The following PECR variants were observed in gnomAD, a reference collection of about 807,000 sequenced individuals.
The protein encoded by PECR is 2,4-dienoyl-CoA reductase-related protein.
In PECR, 30 loss-of-function variants were observed where a neutral mutation model predicts 35.3. The observed-to-expected ratio is 0.85, with a 90% CI of 0.64 to 1.15. The LOEUF is 1.15. Among genes scored for constraint, PECR ranks in the 50% most tolerant of loss-of-function variants. PECR has a pLI of 0.00. For missense variants in PECR, 392 were observed against 370.8 expected (o/e 1.06, Z -0.47); for synonymous variants, 148 against 138.9 (o/e 1.07, Z -0.46).
At position 216,074,541 on chromosome 2, in the gene PECR, A is replaced by AAGAAAGG. The variant is rs1559219583; in HGVS notation, c.124+7076_124+7077insCCTTTCT. On this transcript the variant is annotated intron_variant, in intron 1 of 7. Coordinates refer to ENST00000265322, the MANE Select transcript of PECR (RefSeq NM_018441.6). Reference sequence around the variant, plus strand: ...GGAAGGAAGGAAGGAAGGAAGGAAGAAAGGAAGGAAGGAAGGAAGAGAGAG... The same window carrying AAGAAAGG: ...GGAAGGAAGGAAGGAAGGAAGGAAGAAGAAAGGAAGGAAGGAAGGAAGGAAGAGAGAG... Among the ~76,000 whole-genome samples, 228 of 81,850 alleles carry AAGAAAGG rather than the reference A, an allele frequency of 2.8e-3. 1 individual carries two copies. Among genetic ancestry groups the AAGAAAGG allele is most frequent in the Middle Eastern group, 0.022 (3 of 136 alleles). The allele number at this position is 81,850 out of a possible 152,430, so 53.7% of individuals were successfully genotyped here.
intron 7 of PECR, among the ~76,000 whole-genome samples, chr2:216,043,506 G>A (rs564876763): frequency 5.9e-5 from 9 of 152,036 alleles, no homozygotes; most frequent in Non-Finnish European, 2.9e-5. Flanking sequence ...TAGCACCATA[G>A]CACCCCACCC....
At chr2:216,065,544 T>C (rs1191185710) in intron 2 of PECR, 67 bp from the exon 3 acceptor site, 5 of 929,014 alleles carry the variant, frequency 5.4e-6, no homozygotes, top group Admixed American at 3.5e-5. Flanking sequence ...CCTCGCCTGA[T>C]TGATTGCTCT....
chr2:216,045,773 C>CA (rs1337733748), intron 6 of PECR, among the ~76,000 whole-genome samples: 2 of 152,200 alleles, frequency 1.3e-5, no homozygotes, highest in African/African-American at 4.8e-5. Context: ...GTCAGCGCAT[C>CA]AAAAAGAGAC....
At chr2:216,030,956 T>TCACACACA (rs1219074422) in intron 7 of PECR, among the ~76,000 whole-genome samples, 10 of 113,398 alleles carry the variant, frequency 8.8e-5, no homozygotes, top group South Asian at 5.7e-4. Context: ...TCTCTCTCTC[T>TCACACACA]CACACACACA....
chr2:216,056,342 C>T (rs77748092), intron 4 of PECR, among the ~76,000 whole-genome samples: 4,182 of 152,208 alleles, frequency 0.027, 92 homozygotes, highest in Middle Eastern at 0.092. Flanking sequence ...TAAATTACAA[C>T]ACAATGCTAA....
intron 6 of PECR, 48 bp downstream of exon 6, chr2:216,049,215 A>C: frequency 1.1e-6 from 1 of 938,748 alleles, no homozygotes; most frequent in Non-Finnish European, 1.8e-6. Context: ...TACAAATTCC[A>C]AAGTATAACA....
downstream of PECR, among the ~76,000 whole-genome samples, chr2:216,035,640 C>T (rs1277619594): frequency 6.6e-6 from 1 of 152,140 alleles, no homozygotes; most frequent in South Asian, 2.1e-4. Context: ...ACGCCCGCCA[C>T]CAGGCCGGCT....
At chr2:216,069,379 A>C (rs1034928581) in intron 1 of PECR, among the ~76,000 whole-genome samples, 3 of 152,216 alleles carry the variant, frequency 2.0e-5, no homozygotes, top group African/African-American at 7.2e-5. Context: ...GACATTTTAT[A>C]AAAACACATG....
intron 6 of PECR, among the ~76,000 whole-genome samples, chr2:216,046,108 A>G (rs968249454): frequency 2.2e-4 from 34 of 151,244 alleles, no homozygotes; most frequent in Non-Finnish European, 4.4e-4. Context: ...AACCAAAAAA[A>G]AAAAAAAAAG....
At chr2:216,080,828 T>C (rs1695824458) in intron 1 of PECR, among the ~76,000 whole-genome samples, 1 of 152,208 alleles carries the variant, frequency 6.6e-6, no homozygotes, top group Non-Finnish European at 1.5e-5. Context: ...GTGTGTTGGA[T>C]TTTTTCTTTA....
chr2:216,059,030 C>T (rs772035471), intron 3 of PECR, 54 bp from the exon 4 acceptor site: 258 of 1,027,706 alleles, frequency 2.5e-4, no homozygotes, highest in Middle Eastern at 2.2e-3. Flanking sequence ...CCTGGCCCTC[C>T]TGATACCTTG....
Position 216,039,379 on chromosome 2 carries a change from GC to G in PECR, c.827-20del. The G allele has an allele frequency of 7.0e-7, 1 of 1,425,214 alleles. No individual in the cohort carries two copies. The highest frequency in any genetic ancestry group is 9.9e-7 in the Non-Finnish European group (1 of 1,007,434). The allele number at this position is 1,425,214 out of a possible 1,614,324, so 88.3% of individuals were successfully genotyped here. On this transcript the variant is annotated intron_variant, in intron 7 of 7. Transcript: ENST00000265322. ...TCATGATCTGTTAAAGAAGTGGAAAGCCTCCTGTCACTTGCAAATCTCATTT... is the reference window on the plus strand; with the variant it reads ...TCATGATCTGTTAAAGAAGTGGAAAGCTCCTGTCACTTGCAAATCTCATTT...
intron 1 of PECR, among the ~76,000 whole-genome samples, chr2:216,075,427 G>A (rs1010437521): frequency 6.6e-6 from 1 of 152,016 alleles, no homozygotes; most frequent in Non-Finnish European, 1.5e-5. Flanking sequence ...ACCAGGAAGG[G>A]AATTTAGAAA....
At chr2:216,029,712 T>G (rs762420596) in intron 7 of PECR, among the ~76,000 whole-genome samples, 1 of 152,226 alleles carries the variant, frequency 6.6e-6, no homozygotes, top group Non-Finnish European at 1.5e-5. Flanking sequence ...ACTCCCAGCA[T>G]GGCTGAAAAT....
chr2:216,048,502 T>G (rs1359768356), intron 6 of PECR, among the ~76,000 whole-genome samples: 1 of 151,406 alleles, frequency 6.6e-6, no homozygotes, highest in Admixed American at 6.6e-5. Flanking sequence ...TTAAGGTCAG[T>G]AGTTCGAGAC....
intron 4 of PECR, among the ~76,000 whole-genome samples, chr2:216,054,464 T>G (rs1695186468): frequency 6.8e-6 from 1 of 146,180 alleles, no homozygotes; most frequent in Non-Finnish European, 1.5e-5. Context: ...GCCCCCCGAG[T>G]AGCTAAGATT....
rs1553560626 is a variant in PECR, at chr2:216,046,310, A to ATATATTT, written c.715-2296_715-2295insAAATATA. Among the ~76,000 whole-genome samples, 588 of 96,962 alleles carry ATATATTT rather than the reference A, an allele frequency of 6.1e-3. 6 individuals are homozygous for ATATATTT. Among genetic ancestry groups the ATATATTT allele is most frequent in the Non-Finnish European group, 8.4e-3 (437 of 51,824 alleles). 63.6% of individuals were successfully genotyped at this position (96,962 alleles called of 152,430 possible). On this transcript the variant is annotated intron_variant, in intron 6 of 7. Transcript: ENST00000265322. ...TATACATACATATATATATATATAT[A>ATATATTT]TTTTTTTTTTTTTTTTTTTTGAGAA... is the stretch of plus-strand genomic sequence containing the variant.
chr2:216,068,055 T>C (rs1695502925), intron 1 of PECR, among the ~76,000 whole-genome samples: 1 of 151,600 alleles, frequency 6.6e-6, no homozygotes, highest in East Asian at 1.9e-4. Flanking sequence ...GGTGAAACCC[T>C]GTCTCTACTA....
chr2:216,050,606 T>A (rs763238915), intron 5 of PECR, among the ~76,000 whole-genome samples: 3 of 152,058 alleles, frequency 2.0e-5, no homozygotes, highest in Non-Finnish European at 2.9e-5. Flanking sequence ...ATTACAGAGA[T>A]AAGATCTATA....
Sources: allele counts gnomAD v4.1 joint callset (sites outside exome capture counted in the v4.1 genomes callset), GRCh38; gene constraint gnomAD v4.1.1; transcripts MANE v1.5; gene names NCBI Gene and HGNC (gene_info 2026-07-23, HGNC 2026-07-21).